The following WNT2 variants were observed in gnomAD, a reference collection of about 807,000 sequenced individuals.
WNT2 encodes Wnt family member 2.
A neutral mutation model predicts 36.9 loss-of-function variants in WNT2; 12 were observed. The observed-to-expected ratio is 0.33, with a 90% CI of 0.21 to 0.53. The LOEUF is 0.53. Among genes scored for constraint, WNT2 ranks in the 20% least tolerant of loss-of-function variants. The probability of loss-of-function intolerance (pLI) is 0.95; values close to 1 mark genes in which losing one functional copy is unlikely to be tolerated. For missense variants in WNT2, 379 were observed against 473.1 expected (o/e 0.80, Z 1.84); for synonymous variants, 163 against 174.6 (o/e 0.93, Z 0.52).
rs578009609 is a variant in WNT2 at position 117,308,849 on chromosome 7, G to T, written c.588+6222C>A. 3.9e-5 allele frequency among the ~76,000 whole-genome samples: 6 copies of T among 152,058 alleles called. No individual in the cohort carries two copies. The South Asian group carries it at 6.2e-4, about 16-fold the overall frequency. ...TTCTCTTAGGTCAGACCCATTATTT[G>T]TTTATTATTATTCATTTTAAGTGGC... is the stretch of plus-strand genomic sequence containing the variant. On this transcript the variant is annotated intron_variant, in intron 3 of 4. Coordinates refer to ENST00000265441, the MANE Select transcript of WNT2 (RefSeq NM_003391.3).
intron 4 of WNT2, among the ~76,000 whole-genome samples, chr7:117,285,065 C>T (rs1184511644): frequency 2.0e-5 from 3 of 152,238 alleles, no homozygotes; most frequent in African/African-American, 7.2e-5. Context: ...TTCCCGTACT[C>T]TCTTCTAATT....
chr7:117,313,640 CCT>C (rs1360250707), intron 3 of WNT2, among the ~76,000 whole-genome samples: 9 of 151,866 alleles, frequency 5.9e-5, no homozygotes. Context: ...AACTATATAC[CCT>C]GTTTGAACAA....
intron 4 of WNT2, among the ~76,000 whole-genome samples, chr7:117,288,707 G>GTA (rs1042344987): frequency 3.3e-5 from 5 of 151,784 alleles, no homozygotes; most frequent in Admixed American, 2.6e-4. Context: ...TTCCTGAAAA[G>GTA]TATCTTTTTT....
chr7:117,281,000 G>A (rs1200257113), intron 4 of WNT2, among the ~76,000 whole-genome samples: 1 of 152,164 alleles, frequency 6.6e-6, no homozygotes, highest in Non-Finnish European at 1.5e-5. Context: ...ATTAATAGTA[G>A]CAAATAGATC....
intron 4 of WNT2, among the ~76,000 whole-genome samples, chr7:117,296,692 G>C (rs1178713409): frequency 6.6e-6 from 1 of 152,178 alleles, no homozygotes; most frequent in Non-Finnish European, 1.5e-5. Context: ...AGAGGAGTGA[G>C]AGGTAGAGCA....
At chr7:117,296,257 C>G (rs138392466) in intron 4 of WNT2, among the ~76,000 whole-genome samples, 1 of 152,338 alleles carries the variant, frequency 6.6e-6, no homozygotes, top group Non-Finnish European at 1.5e-5. Context: ...CAGCGGGGCA[C>G]AGCATCTGGT....
rs575705150 is a variant in WNT2, at chr7:117,295,129, C to T, written c.853+2483G>A. Among the ~76,000 whole-genome samples the T allele has an allele frequency of 9.4e-5, 14 of 148,954 alleles. No individual in the cohort carries two copies. In the South Asian group the frequency reaches 1.9e-3, roughly 20 times the overall value. ...AGAAGAGAAGAGAGACGAGACGAGA[C>T]GAGATGAGATGAGACGAGACAAGAT... On this transcript the variant is annotated intron_variant, in intron 4 of 4. Transcript: ENST00000265441.
Position 117,310,213 on chromosome 7 carries a change from C to T in WNT2, c.588+4858G>A, listed in dbSNP as rs76669461. Reference sequence around the variant, plus strand: ...CTTAAGTATTTAACTTTCTCTCCCACTGTTCAATGCCTTCCTCTTGCCTTC... The same window carrying T: ...CTTAAGTATTTAACTTTCTCTCCCATTGTTCAATGCCTTCCTCTTGCCTTC... On this transcript the variant is annotated intron_variant, in intron 3 of 4. Coordinates refer to ENST00000265441, the MANE Select transcript of WNT2 (RefSeq NM_003391.3). 7.8e-3 allele frequency among the ~76,000 whole-genome samples: 1,186 copies of T among 152,284 alleles called. 14 individuals carry two copies. Among genetic ancestry groups the T allele is most frequent in the Non-Finnish European group, 0.012 (800 of 68,014 alleles).
intron 2 of WNT2, among the ~76,000 whole-genome samples, chr7:117,317,720 G>A (rs1795247082): frequency 6.6e-6 from 1 of 152,250 alleles, no homozygotes; most frequent in South Asian, 2.1e-4. Context: ...TGTTGCTATT[G>A]AAGTTTCTCT....
chr7:117,279,702 C>T (rs1794446970), intron 4 of WNT2, among the ~76,000 whole-genome samples: 1 of 152,174 alleles, frequency 6.6e-6, no homozygotes. Flanking sequence ...TTCCTAGAGA[C>T]TCTGTATCCT....
chr7:117,322,399 G>T lies in WNT2; in HGVS notation c.83+508C>A, dbSNP rs1383798697. On this transcript the variant is annotated intron_variant, in intron 1 of 4. Transcript: ENST00000265441. The surrounding 1 kb of genome is among the most constrained non-coding windows in gnomAD (Gnocchi z 5.4). Reference sequence around the variant, plus strand: ...GGGTGAACCTGGAATGTGGAAGGACGGGAAATAATACAAAGTCACACGCTT... The same window carrying T: ...GGGTGAACCTGGAATGTGGAAGGACTGGAAATAATACAAAGTCACACGCTT... Among the ~76,000 whole-genome samples the T allele has an allele frequency of 6.6e-6, 1 of 151,924 alleles. No homozygotes were observed. The highest frequency in any genetic ancestry group is 1.5e-5 in the Non-Finnish European group (1 of 67,992).
chr7:117,288,076 C>T (rs1035360248), intron 4 of WNT2, among the ~76,000 whole-genome samples: 5 of 152,164 alleles, frequency 3.3e-5, no homozygotes, highest in African/African-American at 9.7e-5. Flanking sequence ...AGTCTTCAGG[C>T]ACCATGGTGG....
chr7:117,311,413 T>C (rs547305979), intron 3 of WNT2, among the ~76,000 whole-genome samples: 3 of 152,286 alleles, frequency 2.0e-5, no homozygotes, highest in South Asian at 2.1e-4. Context: ...CAGGAGCGGA[T>C]GTGAACTCCC....
chr7:117,277,436 C>A lies in WNT2; in HGVS notation c.*719G>T, dbSNP rs1222285615. On this transcript the variant is annotated 3_prime_UTR_variant, in exon 5 of 5. Coordinates refer to ENST00000265441, the MANE Select transcript of WNT2 (RefSeq NM_003391.3). The stretch of plus-strand genomic sequence containing the variant: ...TTTTTATATCAAGGGGACAGTAATG[C>A]AAAGCAATCCCTTTCTGAGGCTTTT... 1 of 152,198 alleles carries A rather than the reference C, an allele frequency of 6.6e-6. No individual in the cohort carries two copies. Among genetic ancestry groups the A allele is most frequent in the African/African-American group, 2.4e-5 (1 of 41,464 alleles). 9.4% of individuals were successfully genotyped at this position (152,198 alleles called of 1,614,324 possible).
chr7:117,315,403 C>A, intron 2 of WNT2, 55 bp from the exon 3 acceptor site: 2 of 1,527,428 alleles, frequency 1.3e-6, no homozygotes, highest in South Asian at 1.3e-5. Context: ...TTCTGAATAA[C>A]TTTCATATGA....
intron 4 of WNT2, among the ~76,000 whole-genome samples, chr7:117,293,780 T>C (rs1450670813): frequency 1.3e-5 from 2 of 152,008 alleles, no homozygotes. Context: ...TACTCAATAA[T>C]GTGTGCATGC....
At chr7:117,317,034 C>A (rs1795233812) in intron 2 of WNT2, among the ~76,000 whole-genome samples, 1 of 152,176 alleles carries the variant, frequency 6.6e-6, no homozygotes, top group Non-Finnish European at 1.5e-5. Flanking sequence ...CCCCATTTAT[C>A]TTCTAAAGCT....
chr7:117,277,806 CT>C lies in WNT2; in HGVS notation c.*348del. 8.7e-6 allele frequency: 2 copies of C among 229,666 alleles called. No homozygotes were observed. Among genetic ancestry groups the C allele is most frequent in the Non-Finnish European group, 8.6e-6 (1 of 116,326 alleles). The allele number at this position is 229,666 out of a possible 1,614,324, so 14.2% of individuals were successfully genotyped here. On this transcript the variant is annotated 3_prime_UTR_variant, in exon 5 of 5. Coordinates refer to ENST00000265441, the MANE Select transcript of WNT2 (RefSeq NM_003391.3). Reference sequence around the variant, plus strand: ...AAGCTCCTTTGAGACACTTTTTTTTCTGCTTGGCCAACTGCTCTAGAAAGAA... The same window carrying C: ...AAGCTCCTTTGAGACACTTTTTTTTCGCTTGGCCAACTGCTCTAGAAAGAA...
In WNT2 at chr7:117,323,026, T is replaced by C; in HGVS notation, c.-37A>G. The C allele has an allele frequency of 1.3e-6, 2 of 1,567,858 alleles. No homozygotes were observed. Among genetic ancestry groups the C allele is most frequent in the South Asian group, 1.2e-5 (1 of 86,822 alleles). On this transcript the variant is annotated 5_prime_UTR_variant, in exon 1 of 5. Coordinates refer to ENST00000265441, the MANE Select transcript of WNT2 (RefSeq NM_003391.3). ...TGCGTCTGCATCAGGTCAGACTCCG[T>C]GTGCGGGCGCCATGCGTGCCCAGAG...
Sources: allele counts gnomAD v4.1 joint callset (sites outside exome capture counted in the v4.1 genomes callset), GRCh38; gene constraint gnomAD v4.1.1; non-coding constraint Gnocchi (gnomAD v3.1); transcripts MANE v1.5; gene names NCBI Gene and HGNC (gene_info 2026-07-23, HGNC 2026-07-21).